The following AUH variants were observed in gnomAD, a reference collection of about 807,000 sequenced individuals.
AUH encodes methylglutaconyl-CoA hydratase, mitochondrial.
Under a neutral mutation model 42.3 loss-of-function variants are expected in AUH, and 29 were observed. That is an observed-to-expected ratio of 0.69 (90% CI 0.51 to 0.93). The LOEUF (loss-of-function observed/expected upper bound fraction) is 0.93. Among genes scored for constraint, AUH ranks in the 40% least tolerant of loss-of-function variants. The pLI is 0.00. For synonymous variants in AUH, 174 were observed against 166.4 expected, an observed-to-expected ratio of 1.05 and a Z score of -0.35; for missense variants, 452 against 438.1, an observed-to-expected ratio of 1.03 and a Z score of -0.28.
intron 6 of AUH, among the ~76,000 whole-genome samples, chr9:91,272,469 T>C (rs10991864): frequency 0.14 from 20,816 of 152,198 alleles, 1,865 homozygotes; most frequent in East Asian, 0.32. Flanking sequence ...CACTGTGCGT[T>C]TGCCTTGCTC....
chr9:91,300,849 G>A (rs1827728749), intron 4 of AUH, among the ~76,000 whole-genome samples: 1 of 152,308 alleles, frequency 6.6e-6, no homozygotes, highest in South Asian at 2.1e-4. Flanking sequence ...TGCCTAGCTA[G>A]CCCCTACTTG....
At chr9:91,237,496 C>T (rs929504543) in intron 6 of AUH, among the ~76,000 whole-genome samples, 1 of 152,140 alleles carries the variant, frequency 6.6e-6, no homozygotes, top group African/African-American at 2.4e-5. Context: ...AGTTTATAAG[C>T]GGTTGACTCT....
At chr9:91,314,397 C>T (rs1828979944) in intron 4 of AUH, among the ~76,000 whole-genome samples, 1 of 150,622 alleles carries the variant, frequency 6.6e-6, no homozygotes, top group Admixed American at 6.6e-5. Context: ...GTGGGAGGAT[C>T]ACTTGAGCCC....
At chr9:91,285,870 G>T (rs1435706156) in intron 6 of AUH, among the ~76,000 whole-genome samples, 1 of 152,118 alleles carries the variant, frequency 6.6e-6, no homozygotes, top group Non-Finnish European at 1.5e-5. Flanking sequence ...ACTTCAGAAG[G>T]CTGAATCAGT....
At chr9:91,277,490 G>C (rs1329811419) in intron 6 of AUH, among the ~76,000 whole-genome samples, 1 of 152,116 alleles carries the variant, frequency 6.6e-6, no homozygotes, top group Non-Finnish European at 1.5e-5. Flanking sequence ...TGTAAGAGTT[G>C]TAAGTGAAAA....
At chr9:91,291,480 T>G (rs889737055) in intron 6 of AUH, among the ~76,000 whole-genome samples, 1 of 152,246 alleles carries the variant, frequency 6.6e-6, no homozygotes, top group South Asian at 2.1e-4. Context: ...ACATATTAGT[T>G]ATCTGGGAAT....
chr9:91,346,580 A>T (rs1160672302), intron 3 of AUH, among the ~76,000 whole-genome samples: 2 of 152,178 alleles, frequency 1.3e-5, no homozygotes, highest in African/African-American at 4.8e-5. Context: ...GAGACCAATT[A>T]TGACGTCTTT....
chr9:91,340,806 G>A (rs1831048492), intron 3 of AUH, among the ~76,000 whole-genome samples: 1 of 152,224 alleles, frequency 6.6e-6, no homozygotes, highest in South Asian at 2.1e-4. Context: ...GAAAACTGGA[G>A]TGTGAACCAG....
At chr9:91,313,401 T>C (rs935497826) in intron 4 of AUH, among the ~76,000 whole-genome samples, 1 of 152,090 alleles carries the variant, frequency 6.6e-6, no homozygotes, top group Non-Finnish European at 1.5e-5. Context: ...TAGAAGCTCT[T>C]CTCTCAGAAA....
intron 5 of AUH, 61 bp downstream of exon 5, chr9:91,297,923 C>T: frequency 1.6e-6 from 2 of 1,268,656 alleles, no homozygotes; most frequent in Non-Finnish European, 2.3e-6. Flanking sequence ...TTAAAATTAC[C>T]TGAAGAGTAA....
intron 4 of AUH, among the ~76,000 whole-genome samples, chr9:91,320,990 T>C (rs905389564): frequency 2.0e-5 from 3 of 152,244 alleles, no homozygotes; most frequent in African/African-American, 7.2e-5. Flanking sequence ...TGTGTGTATC[T>C]TGAGACTTTT....
intron 6 of AUH, among the ~76,000 whole-genome samples, chr9:91,283,968 G>C (rs577142958): frequency 2.0e-5 from 3 of 150,800 alleles, no homozygotes; most frequent in Admixed American, 2.0e-4. Context: ...CTACTTTAAA[G>C]TTCATATGGA....
intron 6 of AUH, among the ~76,000 whole-genome samples, chr9:91,260,313 C>T (rs1829643485): frequency 2.0e-5 from 3 of 152,134 alleles, no homozygotes; most frequent in Admixed American, 2.0e-4. Context: ...GTATTGTATA[C>T]AAAATTTACA....
At position 91,361,642 on chromosome 9, in the gene AUH, T is replaced by G. The variant is rs768405113; in HGVS notation, c.248A>C (p.Glu83Ala). The change falls in exon 1 of 10, where the codon GAG becomes GCG. Residue 83 changes from glutamate to alanine, a missense_variant. Coordinates refer to ENST00000375731, the MANE Select transcript of AUH (RefSeq NM_001698.3). Reference protein sequence around the residue: ...TEDELRVRHLEEENRGIVVLG... With the variant: ...TEDELRVRHLAEENRGIVVLG... ...TCGCACCTCACCTCGGTTCTCCTCC[T>G]CCAGGTGCCGCACCCGCAGCTCGTC... The G allele has an allele frequency of 1.9e-6, 3 of 1,583,464 alleles. No homozygotes were observed. Among genetic ancestry groups the G allele is most frequent in the East Asian group, 2.3e-5 (1 of 43,156 alleles).
chr9:91,302,195 G>C (rs556897282), intron 4 of AUH, among the ~76,000 whole-genome samples: 1,606 of 94,576 alleles, frequency 0.017, 30 homozygotes, highest in African/African-American at 0.063. Context: ...GCCGGGTGCA[G>C]TGTGGCTCAT....
chr9:91,353,460 A>G (rs1320739365), intron 3 of AUH, among the ~76,000 whole-genome samples: 1 of 152,216 alleles, frequency 6.6e-6, no homozygotes, highest in African/African-American at 2.4e-5. Flanking sequence ...TTCCTCAACA[A>G]TAACTGATAA....
At chr9:91,286,280 T>C (rs1188445389) in intron 6 of AUH, among the ~76,000 whole-genome samples, 1 of 152,140 alleles carries the variant, frequency 6.6e-6, no homozygotes, top group African/African-American at 2.4e-5. Flanking sequence ...AAGACTGCCC[T>C]ACTGCTGAAC....
intron 6 of AUH, among the ~76,000 whole-genome samples, chr9:91,222,180 G>A (rs796693432): frequency 5.9e-5 from 9 of 152,112 alleles, no homozygotes; most frequent in African/African-American, 2.2e-4. Context: ...TTTACCTCCA[G>A]TATTTTTCCT....
At chr9:91,283,296 T>C (rs1445005778) in intron 6 of AUH, among the ~76,000 whole-genome samples, 5 of 152,132 alleles carry the variant, frequency 3.3e-5, no homozygotes, top group African/African-American at 4.8e-5. Flanking sequence ...AAATTAGGTA[T>C]TGATGGGACG....
Sources: gnomAD v4.1 joint callset for allele counts (sites outside exome capture counted in the v4.1 genomes callset) on GRCh38, gnomAD v4.1.1 for gene constraint, MANE v1.5 for transcripts, NCBI Gene and HGNC (gene_info 2026-07-23, HGNC 2026-07-21) for gene names.